The following HACD2 variants were observed in gnomAD, a reference collection of about 807,000 sequenced individuals.
The protein encoded by HACD2 is very-long-chain (3R)-3-hydroxyacyl-CoA dehydratase 2.
In HACD2, 15 loss-of-function variants were observed where a neutral mutation model predicts 31.0. The ratio of observed to expected loss-of-function variants is 0.48; its 90% confidence interval spans 0.32 to 0.75. HACD2 has a LOEUF of 0.75. Ranked by LOEUF, HACD2 falls within the 30% of genes least tolerant of loss-of-function variation. The pLI, the probability that HACD2 is intolerant of heterozygous loss-of-function variation, is 0.03. For synonymous variants in HACD2, 115 were observed against 122.2 expected (o/e 0.94, Z 0.39); for missense variants, 283 against 313.0 (o/e 0.90, Z 0.72).
chr3:123,496,864 C>T (rs527622621), intron 6 of HACD2, among the ~76,000 whole-genome samples: 16 of 152,266 alleles, frequency 1.1e-4, no homozygotes, highest in Admixed American at 2.6e-4. Flanking sequence ...TCAGAGGGCC[C>T]GGGGAAGGAG....
intron 1 of HACD2, chr3:123,584,605 C>A: frequency 3.3e-6 from 1 of 302,092 alleles, no homozygotes; most frequent in Non-Finnish European, 6.1e-6. Context: ...TCCCGCGGCC[C>A]TCGCGAGCCA....
chr3:123,570,640 T>C (rs1227941171), intron 2 of HACD2, among the ~76,000 whole-genome samples: 1 of 152,208 alleles, frequency 6.6e-6, no homozygotes. Context: ...TCCTAGGTTA[T>C]GTCATGGGAT....
Position 123,493,652 on chromosome 3 carries a change from C to G in HACD2, c.*1236G>C, listed in dbSNP as rs1034219758. ...CCTACAGTTGCAGTACCAATCCTTTCTTGAGGAGTTTTAAATGCATGGTTG... is the reference window on the plus strand; with the variant it reads ...CCTACAGTTGCAGTACCAATCCTTTGTTGAGGAGTTTTAAATGCATGGTTG... On this transcript the variant is annotated 3_prime_UTR_variant, in exon 7 of 7. Coordinates refer to ENST00000383657, the MANE Select transcript of HACD2 (RefSeq NM_198402.5). The G allele has an allele frequency of 2.0e-5, 3 of 152,044 alleles. No individual in the cohort carries two copies. Among genetic ancestry groups the G allele is most frequent in the African/African-American group, 7.3e-5 (3 of 41,378 alleles). The allele number at this position is 152,044 out of a possible 1,614,324, so 9.4% of individuals were successfully genotyped here.
chr3:123,528,403 T>C lies in HACD2; in HGVS notation c.364A>G (p.Thr122Ala). The change falls in exon 4 of 7, where the codon ACA becomes GCA. Residue 122 changes from threonine to alanine, a missense_variant. By Grantham distance (58) the Thr-to-Ala change is moderately conservative (BLOSUM62 0). This residue lies in a region of HACD2 where 85 missense variants were observed against 129.6 expected (regional missense o/e 0.66). Transcript: ENST00000383657. ...MSRVFLIWAV[T>A]HSVKEVQSED... Reference sequence around the variant, plus strand: ...ACACTTACCTCTTTGACGCTATGTGTTACTGCCCATATTAGAAAAACTCTT... The same window carrying C: ...ACACTTACCTCTTTGACGCTATGTGCTACTGCCCATATTAGAAAAACTCTT... 6.2e-7 allele frequency: 1 copy of C among 1,607,982 alleles called. No homozygotes were observed. The highest frequency in any genetic ancestry group is 8.5e-7 in the Non-Finnish European group (1 of 1,174,510).
chr3:123,534,473 T>C (rs1457620187), intron 3 of HACD2, among the ~76,000 whole-genome samples: 1 of 151,936 alleles, frequency 6.6e-6, no homozygotes, highest in Non-Finnish European at 1.5e-5. Flanking sequence ...TATAAAAATA[T>C]AGCATGTCAT....
chr3:123,494,680 G>T lies in HACD2; in HGVS notation c.*208C>A. On this transcript the variant is annotated 3_prime_UTR_variant, in exon 7 of 7. Coordinates refer to ENST00000383657, the MANE Select transcript of HACD2 (RefSeq NM_198402.5). The stretch of plus-strand genomic sequence containing the variant: ...TCTGGTTGAAAGAGCATGCTGAAAT[G>T]AACTGGCCAGGGTGTTTTATGTAAC... The T allele has an allele frequency of 1.7e-6, 1 of 574,458 alleles. No homozygotes were observed. 35.6% of individuals were successfully genotyped at this position (574,458 alleles called of 1,614,324 possible). A position where few individuals can be genotyped will look rare whatever the true frequency, so the allele number is the denominator to read the frequency against.
rs1293918072 is a variant in HACD2 at position 123,580,917 on chromosome 3, G to A, written c.273+1295C>T. Among the ~76,000 whole-genome samples, 3 of 143,802 alleles carry A rather than the reference G, an allele frequency of 2.1e-5. 1 individual carries two copies. The highest frequency in any genetic ancestry group is 3.0e-5 in the Non-Finnish European group (2 of 67,064). 94.3% of individuals were successfully genotyped at this position (143,802 alleles called of 152,430 possible). A position where few individuals can be genotyped will look rare whatever the true frequency, so the allele number is the denominator to read the frequency against. On this transcript the variant is annotated intron_variant, in intron 2 of 6. Coordinates refer to ENST00000383657, the MANE Select transcript of HACD2 (RefSeq NM_198402.5). Reference sequence around the variant, plus strand: ...GTTGCCCAGGCTGGAGTACAGTGGCGTGATCTCAGCTCACTGCAACCTTGC... The same window carrying A: ...GTTGCCCAGGCTGGAGTACAGTGGCATGATCTCAGCTCACTGCAACCTTGC...
rs890877286 is a variant in HACD2 at position 123,492,275 on chromosome 3, T to A, written c.*2613A>T. ...CCACGGAGGGATCTGAAATACATAA[T>A]CAAGTGGGTAGTTGGGAGGATGATG... On this transcript the variant is annotated 3_prime_UTR_variant, in exon 7 of 7. Coordinates refer to ENST00000383657, the MANE Select transcript of HACD2 (RefSeq NM_198402.5). 6.6e-6 allele frequency: 1 copy of A among 152,154 alleles called. No homozygotes were observed. Among genetic ancestry groups the A allele is most frequent in the Non-Finnish European group, 1.5e-5 (1 of 68,028 alleles). 9.4% of individuals were successfully genotyped at this position (152,154 alleles called of 1,614,324 possible).
intron 4 of HACD2, among the ~76,000 whole-genome samples, chr3:123,516,395 C>T (rs760435823): frequency 9.2e-5 from 14 of 152,088 alleles, no homozygotes; most frequent in Non-Finnish European, 1.8e-4. Flanking sequence ...CTGCGACGCC[C>T]GGCTAATTTT....
In HACD2 at chr3:123,494,462, A is replaced by C. The variant is rs1270625239; in HGVS notation, c.*426T>G. ...ATGCAGTCAAGCACTTTGACAAGGGAATGCTAAACACACTGCAGACTGAAA... is the reference window on the plus strand; with the variant it reads ...ATGCAGTCAAGCACTTTGACAAGGGCATGCTAAACACACTGCAGACTGAAA... On this transcript the variant is annotated 3_prime_UTR_variant, in exon 7 of 7. Transcript: ENST00000383657. 1.0e-5 allele frequency: 2 copies of C among 195,246 alleles called. No homozygotes were observed. Among genetic ancestry groups the C allele is most frequent in the Admixed American group, 1.2e-4 (2 of 16,090 alleles). The allele number at this position is 195,246 out of a possible 1,614,324, so 12.1% of individuals were successfully genotyped here. A position where few individuals can be genotyped will look rare whatever the true frequency, so the allele number is the denominator to read the frequency against.
intron 4 of HACD2, 54 bp downstream of exon 4, chr3:123,528,332 A>G: frequency 9.5e-7 from 1 of 1,052,992 alleles, no homozygotes; most frequent in East Asian, 2.4e-5. Flanking sequence ...GAATCAGAAA[A>G]GTTGACTAGT....
In HACD2 at chr3:123,571,420, C is replaced by A. The variant is rs115928030; in HGVS notation, c.274-3640G>T. On this transcript the variant is annotated intron_variant, in intron 2 of 6. Coordinates refer to ENST00000383657, the MANE Select transcript of HACD2 (RefSeq NM_198402.5). Reference sequence around the variant, plus strand: ...CCCAACCAGATGAGCCCTTTAAAAGCAGTTTCCTCTGGCTGGTGGCAGAAG... The same window carrying A: ...CCCAACCAGATGAGCCCTTTAAAAGAAGTTTCCTCTGGCTGGTGGCAGAAG... 3.6e-3 allele frequency among the ~76,000 whole-genome samples: 552 copies of A among 152,236 alleles called. 4 individuals are homozygous for A. Among genetic ancestry groups the A allele is most frequent in the Middle Eastern group, 0.014 (4 of 294 alleles).
At chr3:123,556,119 A>G (rs1018903747) in intron 3 of HACD2, among the ~76,000 whole-genome samples, 6 of 152,080 alleles carry the variant, frequency 3.9e-5, no homozygotes, top group African/African-American at 1.2e-4. Flanking sequence ...TGGTGTGGGC[A>G]ACACAGCAAG....
intron 6 of HACD2, among the ~76,000 whole-genome samples, chr3:123,497,562 G>T (rs1470698087): frequency 1.3e-5 from 2 of 152,190 alleles, no homozygotes; most frequent in African/African-American, 2.4e-5. Flanking sequence ...GAAAGCGCCA[G>T]CTTCTCCAGG....
chr3:123,551,561 T>A (rs549775810), intron 3 of HACD2, among the ~76,000 whole-genome samples: 2 of 151,872 alleles, frequency 1.3e-5, no homozygotes, highest in Non-Finnish European at 2.9e-5. Flanking sequence ...GAGGCAGAAG[T>A]TGCAGTAAGC....
chr3:123,528,581 T>G (rs2107706973), intron 3 of HACD2, 107 bp from the exon 4 acceptor site: 2 of 716,758 alleles, frequency 2.8e-6, no homozygotes, highest in South Asian at 3.4e-5. Context: ...AAAACGGTCT[T>G]GAGCAACTGA....
intron 3 of HACD2, among the ~76,000 whole-genome samples, chr3:123,545,194 T>A (rs1046007866): frequency 6.6e-6 from 1 of 150,506 alleles, no homozygotes; most frequent in African/African-American, 2.4e-5. Context: ...AGAAATAAAG[T>A]CTTTTGGTCA....
At chr3:123,531,924 C>T (rs572852288) in intron 3 of HACD2, among the ~76,000 whole-genome samples, 3 of 152,112 alleles carry the variant, frequency 2.0e-5, no homozygotes, top group East Asian at 1.9e-4. Flanking sequence ...ACTCAAAATT[C>T]GAGGCTTAGA....
rs949981104 is a variant in HACD2 at position 123,494,473 on chromosome 3, C to T, written c.*415G>A. 2 of 217,224 alleles carry T rather than the reference C, an allele frequency of 9.2e-6. No individual in the cohort carries two copies. Among genetic ancestry groups the T allele is most frequent in the Admixed American group, 1.2e-4 (2 of 16,490 alleles). 13.5% of individuals were successfully genotyped at this position (217,224 alleles called of 1,614,324 possible). The stretch of plus-strand genomic sequence containing the variant: ...CACTTTGACAAGGGAATGCTAAACA[C>T]ACTGCAGACTGAAACATAACTATAC... On this transcript the variant is annotated 3_prime_UTR_variant, in exon 7 of 7. Coordinates refer to ENST00000383657, the MANE Select transcript of HACD2 (RefSeq NM_198402.5).
Sources: allele counts gnomAD v4.1 joint callset (sites outside exome capture counted in the v4.1 genomes callset), GRCh38; gene constraint gnomAD v4.1.1; regional missense constraint gnomAD v4.1.1; transcripts MANE v1.5; gene names NCBI Gene and HGNC (gene_info 2026-07-23, HGNC 2026-07-21).